The following MAD1L1 variants were observed in gnomAD, a reference collection of about 807,000 sequenced individuals.
MAD1L1 encodes mitotic arrest deficient 1 like 1.
MAD1L1 carries 95 observed loss-of-function variants against 96.9 expected under a neutral mutation model. The observed-to-expected ratio is 0.98, with a 90% CI of 0.83 to 1.16. The LOEUF is 1.16. Ranked by LOEUF, MAD1L1 falls within the 50% of genes most tolerant of loss-of-function variation. MAD1L1 has a pLI of 0.00. For synonymous variants in MAD1L1, 473 were observed against 396.6 expected (o/e 1.19, Z -2.29); for missense variants, 1,007 against 954.4 (o/e 1.06, Z -0.73).
intron 15 of MAD1L1, among the ~76,000 whole-genome samples, chr7:1,971,153 C>T (rs368715344): frequency 3.2e-4 from 48 of 152,144 alleles, no homozygotes; most frequent in African/African-American, 1.0e-3. Context: ...ACTCGATCAA[C>T]GTGGAGATGC....
At chr7:1,906,049 C>CAAA (rs10570929) in intron 17 of MAD1L1, among the ~76,000 whole-genome samples, 6 of 91,920 alleles carry the variant, frequency 6.5e-5, no homozygotes, top group African/African-American at 1.3e-4. Flanking sequence ...GACTCCATCT[C>CAAA]AAAAAAAAAA....
chr7:2,137,432 G>A (rs545572782), intron 11 of MAD1L1, among the ~76,000 whole-genome samples: 28 of 152,254 alleles, frequency 1.8e-4, no homozygotes, highest in African/African-American at 5.3e-4. Flanking sequence ...GACACCTTCC[G>A]CTCTCTAACA....
intron 10 of MAD1L1, among the ~76,000 whole-genome samples, chr7:2,183,834 A>G (rs1436087105): frequency 6.6e-6 from 1 of 152,152 alleles, no homozygotes; most frequent in African/African-American, 2.4e-5. Context: ...GCACACCAAC[A>G]TGGCACATGT....
intron 16 of MAD1L1, among the ~76,000 whole-genome samples, chr7:1,944,367 C>A (rs1045274234): frequency 1.3e-5 from 2 of 152,156 alleles, no homozygotes; most frequent in African/African-American, 4.8e-5. Flanking sequence ...GTGGAATGTG[C>A]GTCGCATTTC....
rs538311423 is a variant in MAD1L1 at position 2,041,119 on chromosome 7, C to T, written c.1219-26477G>A. ...GCTACAGCACCCCCAGAGTTCCTGTCGGAAAAAGCTCAAGGCTGTCAGGAG... is the reference window on the plus strand; with the variant it reads ...GCTACAGCACCCCCAGAGTTCCTGTTGGAAAAAGCTCAAGGCTGTCAGGAG... On this transcript the variant is annotated intron_variant, in intron 12 of 18. Transcript: ENST00000265854. Among the ~76,000 whole-genome samples the T allele has an allele frequency of 7.9e-5, 12 of 152,212 alleles. No homozygotes were observed. The East Asian group carries it at 2.3e-3, about 29-fold the overall frequency.
intron 13 of MAD1L1, among the ~76,000 whole-genome samples, chr7:2,006,172 G>T (rs146111073): frequency 6.6e-6 from 1 of 152,282 alleles, no homozygotes; most frequent in African/African-American, 2.4e-5. Context: ...CAGAGCCATG[G>T]AACACCGAGA....
At chr7:2,085,371 C>G (rs1346384018) in intron 11 of MAD1L1, among the ~76,000 whole-genome samples, 3 of 152,246 alleles carry the variant, frequency 2.0e-5, no homozygotes, top group African/African-American at 7.2e-5. Context: ...CACAGCCACG[C>G]AGTACACACC....
chr7:1,945,139 G>A (rs1013078238), intron 16 of MAD1L1, among the ~76,000 whole-genome samples: 17 of 152,164 alleles, frequency 1.1e-4, no homozygotes, highest in African/African-American at 1.4e-4. Flanking sequence ...GTGCCTCGGC[G>A]CCCGCTCAGC....
At chr7:2,064,670 GGCTTCTCCCAGGAATATGGCA>G (rs1319319343) in intron 12 of MAD1L1, among the ~76,000 whole-genome samples, 3 of 151,782 alleles carry the variant, frequency 2.0e-5, no homozygotes, top group African/African-American at 7.3e-5. Flanking sequence ...GGAGGACAGT[GGCTTCTCCCAGGAATATGGCA>G]GCTTCTCCCA....
intron 12 of MAD1L1, among the ~76,000 whole-genome samples, chr7:2,039,103 C>T (rs1031671586): frequency 6.6e-6 from 1 of 152,248 alleles, no homozygotes; most frequent in Non-Finnish European, 1.5e-5. Context: ...TTAATAACGT[C>T]ATGCAAATGG....
intron 12 of MAD1L1, among the ~76,000 whole-genome samples, chr7:2,061,238 G>A (rs1784647605): frequency 6.6e-6 from 1 of 152,248 alleles, no homozygotes; most frequent in Admixed American, 6.5e-5. Context: ...TCATGAGGCT[G>A]AGGCAGGAGA....
At chr7:1,899,374 C>T (rs1388409091) in intron 17 of MAD1L1, among the ~76,000 whole-genome samples, 1 of 152,154 alleles carries the variant, frequency 6.6e-6, no homozygotes, top group Non-Finnish European at 1.5e-5. Flanking sequence ...CCTCCAGGGG[C>T]CTGGGACTGC....
At chr7:1,899,593 T>C (rs1288863830) in intron 17 of MAD1L1, among the ~76,000 whole-genome samples, 1 of 152,176 alleles carries the variant, frequency 6.6e-6, no homozygotes, top group Non-Finnish European at 1.5e-5. Context: ...AGAACAAGGG[T>C]TCCAACTCCA....
chr7:2,177,488 T>C (rs1192476743), intron 10 of MAD1L1, among the ~76,000 whole-genome samples: 2 of 152,250 alleles, frequency 1.3e-5, no homozygotes, highest in African/African-American at 2.4e-5. Flanking sequence ...CCCATTTCAA[T>C]GAATCAGATG....
chr7:2,199,628 C>T (rs1792176339), intron 10 of MAD1L1, among the ~76,000 whole-genome samples: 1 of 152,272 alleles, frequency 6.6e-6, no homozygotes, highest in African/African-American at 2.4e-5. Flanking sequence ...CAGTGCCCCG[C>T]CTGGCACGGG....
At chr7:2,090,048 G>A (rs970085984) in intron 11 of MAD1L1, among the ~76,000 whole-genome samples, 3 of 152,198 alleles carry the variant, frequency 2.0e-5, no homozygotes, top group South Asian at 2.1e-4. Context: ...GACAGGAAAC[G>A]GCAGGTTCCC....
At chr7:2,068,498 G>A (rs1784982267) in intron 12 of MAD1L1, among the ~76,000 whole-genome samples, 3 of 152,176 alleles carry the variant, frequency 2.0e-5, no homozygotes, top group African/African-American at 7.2e-5. Flanking sequence ...GGCCAGGGTG[G>A]CACAGCCCTC....
At chr7:1,838,933 T>C in intron 18 of MAD1L1, 2 of 442,442 alleles carry the variant, frequency 4.5e-6, no homozygotes, top group Non-Finnish European at 4.7e-6. Context: ...AAGGACAGAG[T>C]GTGCAAAGAC....
rs570209867 is a variant in MAD1L1, at chr7:2,099,057, G to A, written c.1074-29719C>T. Among the ~76,000 whole-genome samples the A allele has an allele frequency of 9.2e-5, 14 of 152,314 alleles. 1 individual carries two copies. The South Asian group carries it at 2.9e-3, about 32-fold the overall frequency. On this transcript the variant is annotated intron_variant, in intron 11 of 18. Transcript: ENST00000265854. Reference sequence around the variant, plus strand: ...GCCTCCTGACACGATGGGTGGCAAGGGTGACAGAAACACAAGTGACCCCAG... The same window carrying A: ...GCCTCCTGACACGATGGGTGGCAAGAGTGACAGAAACACAAGTGACCCCAG...
Sources: gnomAD v4.1 joint callset for allele counts (sites outside exome capture counted in the v4.1 genomes callset) on GRCh38, gnomAD v4.1.1 for gene constraint, MANE v1.5 for transcripts, NCBI Gene and HGNC (gene_info 2026-07-23, HGNC 2026-07-21) for gene names.